Variants in MS4A4A observed in about 807,000 individuals in gnomAD.
MS4A4A encodes the protein membrane spanning 4-domains A4A.
A neutral mutation model predicts 28.0 loss-of-function variants in MS4A4A; 26 were observed. The ratio of observed to expected loss-of-function variants is 0.93; its 90% confidence interval spans 0.68 to 1.29. The LOEUF (loss-of-function observed/expected upper bound fraction) is 1.29. MS4A4A is among the 50% of genes most tolerant of loss of function. The probability of loss-of-function intolerance (pLI) is 0.00; values close to 1 mark genes in which losing one functional copy is unlikely to be tolerated. For synonymous variants in MS4A4A, 86 were observed against 100.8 expected, an observed-to-expected ratio of 0.85 and a Z score of 0.88; for missense variants, 290 against 293.1, an observed-to-expected ratio of 0.99 and a Z score of 0.08.
chr11:60,303,455 C>A (rs1032840326), intron 5 of MS4A4A, among the ~76,000 whole-genome samples: 49 of 152,268 alleles, frequency 3.2e-4, no homozygotes, highest in African/African-American at 1.1e-3. Context: ...CGCCTGTAAT[C>A]CCAGCACTTT....
intron 1 of MS4A4A, chr11:60,282,715 A>C: frequency 1.6e-6 from 2 of 1,277,564 alleles, no homozygotes; most frequent in African/African-American, 1.5e-5. Context: ...TGGAGCTTTA[A>C]AAATTAAAAG....
At chr11:60,299,513 C>A (rs1454435266) in intron 3 of MS4A4A, among the ~76,000 whole-genome samples, 1 of 138,642 alleles carries the variant, frequency 7.2e-6, no homozygotes, top group African/African-American at 2.7e-5. Flanking sequence ...GCTCTTATTA[C>A]CCAGGCTGGA....
chr11:60,292,113 T>A, intron 1 of MS4A4A, 112 bp from the exon 2 acceptor site: 1 of 1,288,258 alleles, frequency 7.8e-7, no homozygotes, highest in Non-Finnish European at 1.0e-6. Flanking sequence ...TATTATGATA[T>A]GGGAAGAGAA....
intron 4 of MS4A4A, among the ~76,000 whole-genome samples, chr11:60,302,355 G>T (rs1026601505): frequency 6.6e-6 from 1 of 152,206 alleles, no homozygotes; most frequent in African/African-American, 2.4e-5. Context: ...ATCATCTGAA[G>T]AATTGAAGCT....
chr11:60,301,233 A>G (rs1304654771), intron 4 of MS4A4A, among the ~76,000 whole-genome samples, 176 bp downstream of exon 4: 2 of 152,208 alleles, frequency 1.3e-5, no homozygotes, highest in South Asian at 2.1e-4. Context: ...TTGCTGACAT[A>G]GGACTGGATA....
chr11:60,287,994 G>A (rs2084817527), intron 1 of MS4A4A, among the ~76,000 whole-genome samples: 1 of 152,144 alleles, frequency 6.6e-6, no homozygotes, highest in Non-Finnish European at 1.5e-5. Context: ...TCTTTGCTGG[G>A]CTCAGTCCAT....
chr11:60,308,175 T>C lies in MS4A4A; in HGVS notation c.717T>C (p.Val239=). 1.1e-5 allele frequency: 18 copies of C among 1,613,732 alleles called. No individual in the cohort carries two copies. Among genetic ancestry groups the C allele is most frequent in the Non-Finnish European group, 1.5e-5 (18 of 1,179,662 alleles). The change falls in exon 7 of 7, where the codon GTT becomes GTC. Residue 239 remains valine (V), a synonymous_variant. Coordinates refer to ENST00000337908, the MANE Select transcript of MS4A4A (RefSeq NM_148975.3). The stretch of plus-strand genomic sequence containing the variant: ...CATCTCCCACACCACTTAATGAGGT[T>C]TGAGGCCACCAAAAGATCAACAGAC... The part of the protein sequence containing the change: ...ETASPTPLNE[V]
intron 3 of MS4A4A, among the ~76,000 whole-genome samples, chr11:60,300,355 G>A (rs2084940569): frequency 6.6e-6 from 1 of 151,940 alleles, no homozygotes; most frequent in Admixed American, 6.6e-5. Context: ...AGTGGCTCAC[G>A]CCTGTAATCC....
rs745986829 is a variant in MS4A4A, at chr11:60,302,669, C to T, written c.498C>T (p.Asn166=). 6.2e-7 allele frequency: 1 copy of T among 1,613,926 alleles called. No individual in the cohort carries two copies. Residue 166 remains asparagine, a synonymous_variant, in exon 5 of 7, where the codon AAC becomes AAT. Coordinates refer to ENST00000337908, the MANE Select transcript of MS4A4A (RefSeq NM_148975.3). ...AFYSFHHPYC[N]YYGNSNNCHG... ...ATTCATTCCATCACCCTTACTGTAACTACTATGGCAACTCAAATAATTGTC... is the reference window on the plus strand; with the variant it reads ...ATTCATTCCATCACCCTTACTGTAATTACTATGGCAACTCAAATAATTGTC...
At chr11:60,291,655 C>T (rs1261752771) in intron 1 of MS4A4A, among the ~76,000 whole-genome samples, 1 of 151,646 alleles carries the variant, frequency 6.6e-6, no homozygotes, top group African/African-American at 2.4e-5. Context: ...AAAATTGGCT[C>T]AGCATGGTGG....
In MS4A4A at chr11:60,288,657, T is replaced by A. The variant is rs184686325; in HGVS notation, c.42-3568T>A. ...TGATGGAGTGCCACATAGTGGTAACTCTAGACACTGGGATGGTAGGGCATG... is the reference window on the plus strand; with the variant it reads ...TGATGGAGTGCCACATAGTGGTAACACTAGACACTGGGATGGTAGGGCATG... On this transcript the variant is annotated intron_variant, in intron 1 of 6. Transcript: ENST00000337908. Among the ~76,000 whole-genome samples the A allele has an allele frequency of 3.9e-5, 6 of 152,236 alleles. No individual in the cohort carries two copies. The East Asian group carries it at 1.2e-3, about 29-fold the overall frequency.
At chr11:60,304,324 T>TA (rs913891622) in intron 5 of MS4A4A, among the ~76,000 whole-genome samples, 14 of 152,346 alleles carry the variant, frequency 9.2e-5, no homozygotes, top group African/African-American at 3.1e-4. Flanking sequence ...ACTTCACAGT[T>TA]AAAAGAGCCC....
chr11:60,299,448 CT>C (rs5792179), intron 3 of MS4A4A, among the ~76,000 whole-genome samples: 3,571 of 113,236 alleles, frequency 0.032, 103 homozygotes, highest in African/African-American at 0.11. Flanking sequence ...AATTACAATT[CT>C]TTTTTTTTTT....
Position 60,282,625 on chromosome 11 carries a change from A to C in MS4A4A, c.41+1909A>C, listed in dbSNP as rs1334253807. 12 of 1,284,646 alleles carry C rather than the reference A, an allele frequency of 9.3e-6. No homozygotes were observed. The Admixed American group carries it at 1.7e-4, about 18-fold the overall frequency. 79.6% of individuals were successfully genotyped at this position (1,284,646 alleles called of 1,614,324 possible). ...ACAAGAGGGGTGGAACATTCCTGCA[A>C]ATGGTTTCAATATATGCAGATGTCT... On this transcript the variant is annotated intron_variant, in intron 1 of 6. Transcript: ENST00000337908.
intron 1 of MS4A4A, among the ~76,000 whole-genome samples, chr11:60,288,261 T>C (rs959425383): frequency 6.6e-6 from 1 of 152,220 alleles, no homozygotes; most frequent in African/African-American, 2.4e-5. Flanking sequence ...TGTGAGCCTA[T>C]AGAGTTAACA....
chr11:60,285,967 A>C (rs576276706), intron 1 of MS4A4A, among the ~76,000 whole-genome samples: 1 of 152,324 alleles, frequency 6.6e-6, no homozygotes, highest in East Asian at 1.9e-4. Flanking sequence ...GCAGGAGACC[A>C]GGGTGTATTT....
At chr11:60,296,397 C>T (rs1266518593) in intron 2 of MS4A4A, among the ~76,000 whole-genome samples, 1 of 151,906 alleles carries the variant, frequency 6.6e-6, no homozygotes, top group African/African-American at 2.4e-5. Flanking sequence ...TTTATTTATA[C>T]ATACATATAT....
intron 2 of MS4A4A, among the ~76,000 whole-genome samples, chr11:60,292,714 C>G (rs902375518): frequency 2.6e-5 from 4 of 152,272 alleles, no homozygotes; most frequent in South Asian, 2.1e-4. Context: ...ACAGGCCTTC[C>G]TGATAGCTGA....
At chr11:60,299,831 C>G (rs1336937355) in intron 3 of MS4A4A, among the ~76,000 whole-genome samples, 1 of 152,140 alleles carries the variant, frequency 6.6e-6, no homozygotes, top group Non-Finnish European at 1.5e-5. Context: ...ATGTCCTAGC[C>G]TATCAACACT....
Sources: gnomAD v4.1 joint callset for allele counts (sites outside exome capture counted in the v4.1 genomes callset) on GRCh38, gnomAD v4.1.1 for gene constraint, MANE v1.5 for transcripts, NCBI Gene and HGNC (gene_info 2026-07-23, HGNC 2026-07-21) for gene names.